The following SCN3A variants were observed in gnomAD, a reference collection of about 807,000 sequenced individuals.
The protein encoded by SCN3A is sodium channel protein type 3 subunit alpha.
Under a neutral mutation model 187.6 loss-of-function variants are expected in SCN3A, and 60 were observed. The observed-to-expected ratio is 0.32, with a 90% CI of 0.26 to 0.40. The LOEUF is 0.40. Ranked by LOEUF, SCN3A falls within the 10% of genes least tolerant of loss-of-function variation. The pLI is 1.00. For synonymous variants in SCN3A, 788 were observed against 829.2 expected (o/e 0.95, Z 0.85); for missense variants, 1,601 against 2,428.2 (o/e 0.66, Z 7.16).
rs189430210 is a variant in SCN3A at position 165,164,950 on chromosome 2, A to G, written c.474-430T>C. ...TTTAAACCAATATATCTAAAATATGAAAATTCAACAATTAATATTAGCCAA... is the reference window on the plus strand; with the variant it reads ...TTTAAACCAATATATCTAAAATATGGAAATTCAACAATTAATATTAGCCAA... On this transcript the variant is annotated intron_variant, in intron 5 of 27. Coordinates refer to ENST00000283254, the MANE Select transcript of SCN3A (RefSeq NM_006922.4). Among the ~76,000 whole-genome samples, 319 of 152,278 alleles carry G rather than the reference A, an allele frequency of 2.1e-3. 4 individuals are homozygous for G. The highest frequency in any genetic ancestry group is 7.3e-3 in the African/African-American group (302 of 41,584).
rs1038094126 is a variant in SCN3A at position 165,163,907 on chromosome 2, T to C, written c.603-198A>G. 4 of 1,610,344 alleles carry C rather than the reference T, an allele frequency of 2.5e-6. No homozygotes were observed. The African/African-American group carries it at 4.0e-5, about 16-fold the overall frequency. ...TCTGTTACATACCTGCAGAATTAAATCAGAGTTACTGATAGTTTTGGCAAA... is the reference window on the plus strand; with the variant it reads ...TCTGTTACATACCTGCAGAATTAAACCAGAGTTACTGATAGTTTTGGCAAA... On this transcript the variant is annotated intron_variant, in intron 6 of 27. Transcript: ENST00000283254.
At chr2:165,163,753 A>G (rs1270481871) in intron 6 of SCN3A, 44 bp from the exon 7 acceptor site, 16 of 1,613,686 alleles carry the variant, frequency 9.9e-6, no homozygotes, top group African/African-American at 1.3e-5. Flanking sequence ...ACACACAAGA[A>G]AAGTTGGAGA....
chr2:165,108,940 C>G (rs1238116159), intron 21 of SCN3A, among the ~76,000 whole-genome samples: 1 of 152,018 alleles, frequency 6.6e-6, no homozygotes, highest in Non-Finnish European at 1.5e-5. Context: ...TACTTGCTGT[C>G]TCCATTTCTT....
intron 18 of SCN3A, among the ~76,000 whole-genome samples, chr2:165,123,721 A>G (rs1283353504): frequency 1.3e-5 from 2 of 152,218 alleles, no homozygotes; most frequent in African/African-American, 2.4e-5. Flanking sequence ...TTAAAAGGGA[A>G]TAACCCAGCC....
At chr2:165,150,086 T>G (rs1688606507) in intron 11 of SCN3A, among the ~76,000 whole-genome samples, 1 of 152,198 alleles carries the variant, frequency 6.6e-6, no homozygotes, top group African/African-American at 2.4e-5. Flanking sequence ...TAGACTGCTA[T>G]GGGATATACT....
intron 15 of SCN3A, among the ~76,000 whole-genome samples, chr2:165,133,739 A>G (rs553289569): frequency 6.6e-6 from 1 of 152,078 alleles, no homozygotes; most frequent in South Asian, 2.1e-4. Flanking sequence ...GAAAAACACT[A>G]ATTTTAAAAC....
intron 12 of SCN3A, among the ~76,000 whole-genome samples, chr2:165,143,349 G>T (rs1290176881): frequency 6.6e-6 from 1 of 152,182 alleles, no homozygotes; most frequent in Non-Finnish European, 1.5e-5. Context: ...CACAGTATTG[G>T]TTGGGAGTAT....
In SCN3A at chr2:165,092,187, C is replaced by G; in HGVS notation, c.4807+67G>C. 6.9e-6 allele frequency: 10 copies of G among 1,451,552 alleles called. No homozygotes were observed. Among genetic ancestry groups the G allele is most frequent in the Non-Finnish European group, 9.7e-6 (10 of 1,032,898 alleles). 89.9% of individuals were successfully genotyped at this position (1,451,552 alleles called of 1,614,324 possible). A position where few individuals can be genotyped will look rare whatever the true frequency, so the allele number is the denominator to read the frequency against. ...TCTCAGACCTAATTTCCATGTTAATCAGCTAGAAGGTCCTGGGGCAACTGT... is the reference window on the plus strand; with the variant it reads ...TCTCAGACCTAATTTCCATGTTAATGAGCTAGAAGGTCCTGGGGCAACTGT... On this transcript the variant is annotated intron_variant, in intron 27 of 27. Coordinates refer to ENST00000283254, the MANE Select transcript of SCN3A (RefSeq NM_006922.4). The surrounding 1 kb of genome is among the most constrained non-coding windows in gnomAD (Gnocchi z 4.2).
At chr2:165,201,509 G>A (rs145654880) in intron 1 of SCN3A, among the ~76,000 whole-genome samples, 14 of 152,086 alleles carry the variant, frequency 9.2e-5, no homozygotes, top group Middle Eastern at 3.4e-3. Context: ...AAGGAGGTTC[G>A]TAATCATGTT....
chr2:165,150,289 A>T (rs1246129167), intron 11 of SCN3A, among the ~76,000 whole-genome samples: 1 of 152,192 alleles, frequency 6.6e-6, no homozygotes, highest in Admixed American at 6.5e-5. Flanking sequence ...GCTAGCCTTC[A>T]TGAAGTCATT....
intron 2 of SCN3A, 136 bp downstream of exon 2, chr2:165,186,415 G>A (rs1691243651): frequency 6.6e-6 from 1 of 152,206 alleles, no homozygotes; most frequent in Admixed American, 6.5e-5. Context: ...CTCTTTGGAA[G>A]AACAAACTGG....
At position 165,176,126 on chromosome 2, in the gene SCN3A, C is replaced by T; in HGVS notation, c.264+5G>A. 2 of 1,611,906 alleles carry T rather than the reference C, an allele frequency of 1.2e-6. No homozygotes were observed. Among genetic ancestry groups the T allele is most frequent in the Non-Finnish European group, 1.7e-6 (2 of 1,178,318 alleles). On this transcript the variant is annotated splice_donor_5th_base_variant and intron_variant, in intron 3 of 27. Transcript: ENST00000283254. ...ATTTATTAGAAGTCTAAAATCAATA[C>T]TCACTTTCTTATTGATATAGTAGGG...
At chr2:165,141,381 A>G (rs563524009) in intron 12 of SCN3A, among the ~76,000 whole-genome samples, 13 of 152,312 alleles carry the variant, frequency 8.5e-5, no homozygotes, top group African/African-American at 3.1e-4. Flanking sequence ...TCTTAATGCT[A>G]TAATCTGAAG....
intron 12 of SCN3A, 81 bp from the exon 13 acceptor site, chr2:165,141,079 G>A (rs1046558871): frequency 1.1e-6 from 1 of 886,962 alleles, no homozygotes; most frequent in African/African-American, 1.7e-5. Context: ...AATATTAAAG[G>A]ATCTGTTTTC....
rs1163480899 is a variant in SCN3A, at chr2:165,172,237, TTAAC to T, written c.265-1693_265-1690del. Among the ~76,000 whole-genome samples the T allele has an allele frequency of 1.6e-4, 24 of 152,272 alleles. 1 individual carries two copies. Among genetic ancestry groups the T allele is most frequent in the African/African-American group, 5.5e-4 (23 of 41,576 alleles). ...TTAAGACCATCAAGCCAACCATTAT[TTAAC>T]TAACCATTTTTCAGAAACTACACAG... is the stretch of plus-strand genomic sequence containing the variant. On this transcript the variant is annotated intron_variant, in intron 3 of 27. Transcript: ENST00000283254.
At chr2:165,170,760 C>G (rs1412050755) in intron 3 of SCN3A, among the ~76,000 whole-genome samples, 1 of 151,954 alleles carries the variant, frequency 6.6e-6, no homozygotes. Context: ...TAATCTATCT[C>G]TAAGGTTCCA....
chr2:165,108,604 T>C (rs144464559), intron 21 of SCN3A, among the ~76,000 whole-genome samples: 560 of 152,258 alleles, frequency 3.7e-3, no homozygotes, highest in Middle Eastern at 6.8e-3. Context: ...TGAGAGATGC[T>C]CAGATGCATT....
In SCN3A at chr2:165,090,142, G is replaced by A; in HGVS notation, c.*8C>T. 1.3e-6 allele frequency: 2 copies of A among 1,567,286 alleles called. No homozygotes were observed. Among genetic ancestry groups the A allele is most frequent in the South Asian group, 1.2e-5 (1 of 86,588 alleles). On this transcript the variant is annotated 3_prime_UTR_variant, in exon 28 of 28. Transcript: ENST00000283254. This position sits in a 1 kb window ranked among gnomAD's most constrained non-coding sequence, Gnocchi z 4.0. Reference sequence around the variant, plus strand: ...CAATTGATCACAAAGATAATTCTTTGTTTCTTTTTACTTTTGATTTTCTCT... The same window carrying A: ...CAATTGATCACAAAGATAATTCTTTATTTCTTTTTACTTTTGATTTTCTCT...
At chr2:165,096,838 C>T (rs1010783839) in intron 23 of SCN3A, among the ~76,000 whole-genome samples, 1 of 152,098 alleles carries the variant, frequency 6.6e-6, no homozygotes, top group Non-Finnish European at 1.5e-5. Context: ...CATTTTGACA[C>T]ATAGTAGAAT....
Sources: allele counts gnomAD v4.1 joint callset (sites outside exome capture counted in the v4.1 genomes callset), GRCh38; gene constraint gnomAD v4.1.1; non-coding constraint Gnocchi (gnomAD v3.1); transcripts MANE v1.5; gene names NCBI Gene and HGNC (gene_info 2026-07-23, HGNC 2026-07-21).